The following SHISA9 variants were observed in gnomAD, a reference collection of about 807,000 sequenced individuals.
SHISA9 encodes shisa family member 9.
Under a neutral mutation model 38.0 loss-of-function variants are expected in SHISA9, and 13 were observed. The ratio of observed to expected loss-of-function variants is 0.34; its 90% CI spans 0.22 to 0.54. The LOEUF (loss-of-function observed/expected upper bound fraction) is 0.54, where lower values mean the gene tolerates loss of function less well. Ranked by LOEUF, SHISA9 falls within the 20% of genes least tolerant of loss-of-function variation. The pLI is 0.91. For missense variants in SHISA9, 538 were observed against 575.8 expected, an observed-to-expected ratio of 0.93 and a Z score of 0.67; for synonymous variants, 275 against 242.0, an observed-to-expected ratio of 1.14 and a Z score of -1.27.
At chr16:13,522,696 T>C in the SHISA9 span, among the ~76,000 whole-genome samples, 1 of 152,304 alleles carries the variant, frequency 6.6e-6, no homozygotes, top group South Asian at 2.1e-4. Context: ...GTGAGAGCCT[T>C]ATAATGTAGG....
In SHISA9 at chr16:12,916,789, A is replaced by T; in HGVS notation, c.665A>T (p.Asp222Val). The T allele has an allele frequency of 3.2e-6, 5 of 1,551,894 alleles. No individual in the cohort carries two copies. Among genetic ancestry groups the T allele is most frequent in the Non-Finnish European group, 4.4e-6 (5 of 1,147,032 alleles). ...VVHVQHYENM[D>V]TRTPINNLHA... ...CACGTCCAGCATTATGAGAACATGG[A>T]CACGAGAACCCCCATAAATAATCTT... is the stretch of plus-strand genomic sequence containing the variant. Residue 222 changes from aspartate to valine, a missense_variant, in exon 2 of 5, where the codon GAC becomes GTC. By Grantham distance (152) the Asp-to-Val change is radical (BLOSUM62 -3). Transcript: ENST00000558583.
chr16:13,458,654 AAGC>A, the SHISA9 span: 1 of 328,030 alleles, frequency 3.0e-6, no homozygotes, highest in Non-Finnish European at 5.9e-6. Flanking sequence ...TATGGAGAAA[AAGC>A]AGAAGAGGCA....
intron 2 of SHISA9, among the ~76,000 whole-genome samples, chr16:13,073,637 T>C (rs887079605): frequency 6.6e-6 from 1 of 152,136 alleles, no homozygotes; most frequent in Non-Finnish European, 1.5e-5. Context: ...GGCCATGACC[T>C]TATTTGGACA....
Position 13,069,644 on chromosome 16 carries a change from A to C in SHISA9, c.692-133750A>C, listed in dbSNP as rs530567702. Reference sequence around the variant, plus strand: ...TGTGTGTGTCTGTGTACATAAATGTAAATGTGTGTGGTGTATGTATGTGTG... The same window carrying C: ...TGTGTGTGTCTGTGTACATAAATGTCAATGTGTGTGGTGTATGTATGTGTG... On this transcript the variant is annotated intron_variant, in intron 2 of 4. Coordinates refer to ENST00000558583, the MANE Select transcript of SHISA9 (RefSeq NM_001145204.3). 4.6e-5 allele frequency among the ~76,000 whole-genome samples: 7 copies of C among 152,280 alleles called. No homozygotes were observed. The South Asian group carries it at 1.4e-3, about 32-fold the overall frequency.
chr16:13,461,884 A>G, the SHISA9 span, among the ~76,000 whole-genome samples: 1 of 152,006 alleles, frequency 6.6e-6, no homozygotes, highest in Non-Finnish European at 1.5e-5. Flanking sequence ...AAGTGCTGGG[A>G]TTACAGGCGT....
intron 2 of SHISA9, among the ~76,000 whole-genome samples, chr16:13,186,913 T>C (rs530863333): frequency 2.1e-4 from 32 of 152,348 alleles, no homozygotes; most frequent in African/African-American, 7.5e-4. Flanking sequence ...TTCCCTCCTT[T>C]TAAAGCTCAA....
the SHISA9 span, among the ~76,000 whole-genome samples, chr16:13,496,524 T>C: frequency 7.2e-5 from 11 of 152,056 alleles, no homozygotes; most frequent in Admixed American, 2.0e-4. Context: ...AAACCACTAT[T>C]ATTTATTACC....
At chr16:13,118,730 CTTTTTTT>C (rs34471353) in intron 2 of SHISA9, among the ~76,000 whole-genome samples, 8 of 130,778 alleles carry the variant, frequency 6.1e-5, no homozygotes, top group African/African-American at 1.4e-4. Context: ...TTTCTTTTTT[CTTTTTTT>C]TTTTTTTTTG....
the SHISA9 span, among the ~76,000 whole-genome samples, chr16:13,441,057 A>G: frequency 1.3e-5 from 2 of 152,204 alleles, no homozygotes; most frequent in Admixed American, 6.5e-5. Flanking sequence ...TGGAGAGGAC[A>G]GAGATAGCAG....
At chr16:13,072,051 C>G (rs904337031) in intron 2 of SHISA9, among the ~76,000 whole-genome samples, 9 of 152,200 alleles carry the variant, frequency 5.9e-5, no homozygotes, top group African/African-American at 2.2e-4. Context: ...CTCCGCTTCT[C>G]TGCAGTGCCC....
chr16:12,969,413 A>C (rs1185679984), intron 2 of SHISA9, among the ~76,000 whole-genome samples: 1 of 147,598 alleles, frequency 6.8e-6, no homozygotes, highest in Non-Finnish European at 1.5e-5. Flanking sequence ...GAAATTCATC[A>C]CTCCTTGCAC....
the SHISA9 span, among the ~76,000 whole-genome samples, chr16:13,378,943 A>G: frequency 6.6e-6 from 1 of 152,226 alleles, no homozygotes; most frequent in Non-Finnish European, 1.5e-5. Context: ...GTTTTCAGCA[A>G]AATACACAGT....
At chr16:13,205,337 A>G (rs2051053843) in intron 3 of SHISA9, among the ~76,000 whole-genome samples, 1 of 152,186 alleles carries the variant, frequency 6.6e-6, no homozygotes, top group Non-Finnish European at 1.5e-5. Flanking sequence ...ACCTTAATAC[A>G]TGGGGGAAAT....
intron 2 of SHISA9, among the ~76,000 whole-genome samples, chr16:13,130,780 A>G (rs1226245552): frequency 6.6e-6 from 1 of 152,222 alleles, no homozygotes; most frequent in Admixed American, 6.5e-5. Context: ...AAATGTGGCC[A>G]CAGGCAATAT....
At chr16:13,433,057 G>C in the SHISA9 span, among the ~76,000 whole-genome samples, 1 of 149,988 alleles carries the variant, frequency 6.7e-6, no homozygotes, top group African/African-American at 2.5e-5. Flanking sequence ...TTGTAACCCT[G>C]AACTTAAAAT....
chr16:13,265,831 C>G, the SHISA9 span, among the ~76,000 whole-genome samples: 1 of 148,184 alleles, frequency 6.7e-6, no homozygotes, highest in Non-Finnish European at 1.5e-5. Context: ...AAAAAAAAAA[C>G]AAGAATCTCT....
chr16:12,941,168 A>G (rs759445000), intron 2 of SHISA9, among the ~76,000 whole-genome samples: 5 of 152,144 alleles, frequency 3.3e-5, no homozygotes, highest in African/African-American at 4.8e-5. Flanking sequence ...CCTGGCCAAC[A>G]TGGTGAAATG....
At chr16:13,436,172 A>G in the SHISA9 span, among the ~76,000 whole-genome samples, 1 of 152,222 alleles carries the variant, frequency 6.6e-6, no homozygotes, top group Non-Finnish European at 1.5e-5. Context: ...GAGGTTAGGC[A>G]TTCTTAGTCA....
rs12931914 is a variant in SHISA9, at chr16:12,997,366, C to T, written c.691+80551C>T. Among the ~76,000 whole-genome samples, 261 of 150,746 alleles carry T rather than the reference C, an allele frequency of 1.7e-3. 1 individual carries two copies. The highest frequency in any genetic ancestry group is 3.0e-3 in the Non-Finnish European group (201 of 67,818). The stretch of plus-strand genomic sequence containing the variant: ...TATACTGCAATTATCTATATAGTCT[C>T]CTGTTGACGACATTTGACATGTTTC... On this transcript the variant is annotated intron_variant, in intron 2 of 4. Transcript: ENST00000558583.
Sources: gnomAD v4.1 joint callset for allele counts (sites outside exome capture counted in the v4.1 genomes callset) on GRCh38, gnomAD v4.1.1 for gene constraint, MANE v1.5 for transcripts, NCBI Gene and HGNC (gene_info 2026-07-23, HGNC 2026-07-21) for gene names.